Variants in CD6 observed in about 807,000 individuals in gnomAD.
CD6 encodes the protein T-cell differentiation antigen CD6.
Under a neutral mutation model 75.3 loss-of-function variants are expected in CD6, and 53 were observed. That is an observed-to-expected ratio of 0.70 (90% CI 0.56 to 0.88). The LOEUF (loss-of-function observed/expected upper bound fraction) is 0.88. Among genes scored for constraint, CD6 ranks in the 40% least tolerant of loss-of-function variants. The pLI is 0.00. For synonymous variants in CD6, 359 were observed against 381.5 expected (o/e 0.94, Z 0.69); for missense variants, 770 against 897.1 (o/e 0.86, Z 1.81).
At chr11:60,997,504 T>G (rs943126658) in intron 1 of CD6, among the ~76,000 whole-genome samples, 1 of 151,898 alleles carries the variant, frequency 6.6e-6, no homozygotes, top group African/African-American at 2.4e-5. Flanking sequence ...GTTATTTAAC[T>G]GAATATATCC....
At chr11:60,979,552 C>T (rs951037763) in intron 1 of CD6, among the ~76,000 whole-genome samples, 5 of 151,954 alleles carry the variant, frequency 3.3e-5, no homozygotes, top group Admixed American at 6.6e-5. Flanking sequence ...CTGCAACCTC[C>T]GCCTCCCAGG....
Position 60,972,066 on chromosome 11 carries a change from G to A in CD6, c.49+152G>A, listed in dbSNP as rs1590657431. 8.8e-6 allele frequency: 7 copies of A among 791,074 alleles called. No homozygotes were observed. The East Asian group carries it at 1.9e-4, about 21-fold the overall frequency. 49.0% of individuals were successfully genotyped at this position (791,074 alleles called of 1,614,324 possible). On this transcript the variant is annotated intron_variant, in intron 1 of 12. Coordinates refer to ENST00000313421, the MANE Select transcript of CD6 (RefSeq NM_006725.5). The stretch of plus-strand genomic sequence containing the variant: ...GTACCAGGGAGGTCCAGCATCTGGG[G>A]CTAGGAGAGGACACAGGAGCCCCTC...
intron 1 of CD6, among the ~76,000 whole-genome samples, chr11:60,976,134 T>C (rs147931202): frequency 0.012 from 1,897 of 152,298 alleles, 22 homozygotes; most frequent in Non-Finnish European, 0.017. Context: ...TGTTGTACAT[T>C]GTACCCAATA....
At chr11:60,993,356 C>T (rs538462243) in intron 1 of CD6, among the ~76,000 whole-genome samples, 1 of 152,262 alleles carries the variant, frequency 6.6e-6, no homozygotes, top group Admixed American at 6.5e-5. Flanking sequence ...GGCTAAGGAG[C>T]TGTCAGAGTC....
chr11:61,018,771 T>G (rs4939487), intron 12 of CD6: 9,016 of 288,440 alleles, frequency 0.031, 210 homozygotes, highest in Middle Eastern at 0.1. Context: ...TGAGCTATGA[T>G]CGTATCACTG....
chr11:60,986,351 G>A (rs905617760), intron 1 of CD6, among the ~76,000 whole-genome samples: 2 of 152,132 alleles, frequency 1.3e-5, no homozygotes, highest in African/African-American at 2.4e-5. Flanking sequence ...GTGCCGGGCT[G>A]GTGTTGATCC....
intron 1 of CD6, 95 bp downstream of exon 1, chr11:60,972,009 T>A (rs1008504840): frequency 7.7e-7 from 1 of 1,304,632 alleles, no homozygotes; most frequent in Non-Finnish European, 1.1e-6. Flanking sequence ...GTGGTCACTT[T>A]TCTAGGATCT....
At chr11:61,002,839 G>A (rs1010894522) in intron 1 of CD6, among the ~76,000 whole-genome samples, 2 of 152,214 alleles carry the variant, frequency 1.3e-5, no homozygotes, top group South Asian at 2.1e-4. Flanking sequence ...GAGACAGAGC[G>A]AGGGACGGTG....
chr11:60,972,363 C>T (rs1296373980), intron 1 of CD6, among the ~76,000 whole-genome samples: 2 of 152,156 alleles, frequency 1.3e-5, no homozygotes, highest in African/African-American at 2.4e-5. Flanking sequence ...GAGCACCTCC[C>T]GAAACAGGAC....
chr11:61,019,282 C>G lies in CD6; in HGVS notation c.1971C>G (p.Thr657=). The stretch of plus-strand genomic sequence containing the variant: ...CCCCCAGCCCTCAGCCTGACTCCAC[C>G]GACAACGATGACTACGATGACATCA... The part of the protein sequence containing the change: ...PGSPSPQPDS[T]DNDDYDDISA... The change falls in exon 13 of 13, where the codon ACC becomes ACG. Residue 657 remains threonine (T), a synonymous_variant. Coordinates refer to ENST00000313421, the MANE Select transcript of CD6 (RefSeq NM_006725.5). The G allele has an allele frequency of 6.2e-7, 1 of 1,611,102 alleles. No homozygotes were observed. Among genetic ancestry groups the G allele is most frequent in the Non-Finnish European group, 8.5e-7 (1 of 1,179,840 alleles).
chr11:61,009,884 C>A lies in CD6; in HGVS notation c.1084+10C>A. 2 of 1,529,400 alleles carry A rather than the reference C, an allele frequency of 1.3e-6. No individual in the cohort carries two copies. Among genetic ancestry groups the A allele is most frequent in the East Asian group, 4.6e-5 (2 of 43,826 alleles). The allele number at this position is 1,529,400 out of a possible 1,614,324, so 94.7% of individuals were successfully genotyped here. A position where few individuals can be genotyped will look rare whatever the true frequency, so the allele number is the denominator to read the frequency against. On this transcript the variant is annotated intron_variant, in intron 5 of 12. Coordinates refer to ENST00000313421, the MANE Select transcript of CD6 (RefSeq NM_006725.5). The stretch of plus-strand genomic sequence containing the variant: ...AGGGTCCTCTGCTCAGGTACCCCAT[C>A]CTACTCCACCCCCCCAGATTTGAGC...
intron 1 of CD6, among the ~76,000 whole-genome samples, chr11:60,974,159 A>G (rs775277620): frequency 5.9e-5 from 9 of 152,174 alleles, no homozygotes; most frequent in Non-Finnish European, 1.2e-4. Context: ...GAGCTGGGAT[A>G]ATGAAGTGCG....
chr11:60,982,637 C>T (rs150848873), intron 1 of CD6: 1 of 456,050 alleles, frequency 2.2e-6, no homozygotes, highest in East Asian at 7.0e-5. Context: ...TGCACAGTTG[C>T]CAAATGGATT....
At chr11:61,016,489 A>T (rs1565162389) in intron 9 of CD6, among the ~76,000 whole-genome samples, 1 of 152,232 alleles carries the variant, frequency 6.6e-6, no homozygotes. Context: ...TGTGTGACAG[A>T]AAGCTCCAAA....
intron 2 of CD6, 114 bp downstream of exon 2, chr11:61,006,756 A>T (rs1858879009): frequency 8.6e-6 from 7 of 815,474 alleles, no homozygotes; most frequent in Admixed American, 8.2e-5. Context: ...CTGACTTCAG[A>T]CAACACTTCT....
chr11:60,980,764 C>T (rs1857530399), intron 1 of CD6, among the ~76,000 whole-genome samples: 1 of 152,140 alleles, frequency 6.6e-6, no homozygotes, highest in Admixed American at 6.5e-5. Flanking sequence ...CGCTTGAAAC[C>T]GGGAGGCGGA....
At chr11:60,974,572 G>A (rs1299299598) in intron 1 of CD6, among the ~76,000 whole-genome samples, 1 of 152,190 alleles carries the variant, frequency 6.6e-6, no homozygotes, top group African/African-American at 2.4e-5. Context: ...ACCCTAGCAC[G>A]AGGCCCTATC....
chr11:60,977,318 G>C (rs1197104089), intron 1 of CD6, among the ~76,000 whole-genome samples: 1 of 152,054 alleles, frequency 6.6e-6, no homozygotes, highest in Non-Finnish European at 1.5e-5. Flanking sequence ...AGACCTCCCA[G>C]GTGCGTGGCC....
At chr11:61,011,179 G>GTA (rs1554997213) in intron 6 of CD6, 44 bp downstream of exon 6, 1 of 774,874 alleles carries the variant, frequency 1.3e-6, no homozygotes, top group South Asian at 1.6e-5. Context: ...AAGCTTGGAC[G>GTA]TGTGTGTGTG....
Sources: gnomAD v4.1 joint callset for allele counts (sites outside exome capture counted in the v4.1 genomes callset) on GRCh38, gnomAD v4.1.1 for gene constraint, MANE v1.5 for transcripts, NCBI Gene and HGNC (gene_info 2026-07-23, HGNC 2026-07-21) for gene names.